NEGR1: variants seen among roughly 807,000 people sequenced by gnomAD.
NEGR1 encodes the protein neuronal growth regulator 1, also known as IgLON family member 4.
A neutral mutation model predicts 40.9 loss-of-function variants in NEGR1; 10 were observed. The ratio of observed to expected loss-of-function variants is 0.24; its 90% confidence interval spans 0.15 to 0.42. The LOEUF (loss-of-function observed/expected upper bound fraction) is 0.42, where lower values mean the gene tolerates loss of function less well. Ranked by LOEUF, NEGR1 falls within the 10% of genes least tolerant of loss-of-function variation. The pLI, the probability that NEGR1 is intolerant of heterozygous loss-of-function variation, is 1.00. For synonymous variants in NEGR1, 185 were observed against 166.8 expected, an observed-to-expected ratio of 1.11 and a Z score of -0.84; for missense variants, 352 against 438.9, an observed-to-expected ratio of 0.80 and a Z score of 1.77.
intron 1 of NEGR1, among the ~76,000 whole-genome samples, chr1:72,120,632 G>A (rs935036977): frequency 6.6e-6 from 1 of 151,812 alleles, no homozygotes; most frequent in Non-Finnish European, 1.5e-5. Flanking sequence ...CTAGCATTAG[G>A]TGTATCTCCC....
chr1:72,146,363 A>T lies in NEGR1; in HGVS notation c.176+135956T>A, dbSNP rs980103001. Among the ~76,000 whole-genome samples the T allele has an allele frequency of 2.6e-5, 4 of 152,084 alleles. No homozygotes were observed. In the South Asian group the frequency reaches 8.3e-4, roughly 31 times the overall value. On this transcript the variant is annotated intron_variant, in intron 1 of 6. Coordinates refer to ENST00000357731, the MANE Select transcript of NEGR1 (RefSeq NM_173808.3). Reference sequence around the variant, plus strand: ...CCCTGAACACATTATTTTTCACTCTATTAATGCCATGTCATACTTTTTTTA... The same window carrying T: ...CCCTGAACACATTATTTTTCACTCTTTTAATGCCATGTCATACTTTTTTTA...
intron 2 of NEGR1, among the ~76,000 whole-genome samples, chr1:71,787,095 G>A (rs1255072687): frequency 6.6e-6 from 1 of 152,202 alleles, no homozygotes; most frequent in Non-Finnish European, 1.5e-5. Flanking sequence ...TCATCCCAGT[G>A]AGGCCTCAAA....
Position 71,485,874 on chromosome 1 carries a change from A to G in NEGR1, c.941-78304T>C, listed in dbSNP as rs563431320. Reference sequence around the variant, plus strand: ...TCTTGGTTGCTTCCAAGTTTTTGCAATTATGAATAAAGCTACTATAAACAT... The same window carrying G: ...TCTTGGTTGCTTCCAAGTTTTTGCAGTTATGAATAAAGCTACTATAAACAT... On this transcript the variant is annotated intron_variant, in intron 6 of 6. Coordinates refer to ENST00000357731, the MANE Select transcript of NEGR1 (RefSeq NM_173808.3). Among the ~76,000 whole-genome samples the G allele has an allele frequency of 2.2e-4, 33 of 151,782 alleles. 1 individual carries two copies. The highest frequency in any genetic ancestry group is 7.2e-4 in the Admixed American group (11 of 15,194).
chr1:71,719,584 G>A (rs892908123), intron 3 of NEGR1, among the ~76,000 whole-genome samples: 1 of 151,330 alleles, frequency 6.6e-6, no homozygotes, highest in Non-Finnish European at 1.5e-5. Flanking sequence ...GTTTCCAGAC[G>A]TTTGAAATGT....
chr1:72,118,458 T>C (rs1045795210), intron 1 of NEGR1, among the ~76,000 whole-genome samples: 2 of 151,794 alleles, frequency 1.3e-5, no homozygotes, highest in Non-Finnish European at 2.9e-5. Flanking sequence ...CCATACTTTA[T>C]TCATTTGGGT....
At chr1:72,056,068 CAGTT>C (rs1283058227) in intron 1 of NEGR1, among the ~76,000 whole-genome samples, 4 of 151,020 alleles carry the variant, frequency 2.6e-5, no homozygotes. Context: ...ATTGGTAAAT[CAGTT>C]AGCTCTCTGA....
chr1:71,793,520 A>C (rs1657205853), intron 2 of NEGR1, among the ~76,000 whole-genome samples: 1 of 151,700 alleles, frequency 6.6e-6, no homozygotes, highest in Non-Finnish European at 1.5e-5. Flanking sequence ...TCAAGAGAAG[A>C]TTCAAGATAC....
At chr1:71,524,030 A>G (rs1387855078) in intron 6 of NEGR1, among the ~76,000 whole-genome samples, 1 of 151,778 alleles carries the variant, frequency 6.6e-6, no homozygotes, top group Non-Finnish European at 1.5e-5. Flanking sequence ...TGCTATTTCA[A>G]AATTAAGGCC....
chr1:71,727,480 A>G (rs554878595), intron 3 of NEGR1, among the ~76,000 whole-genome samples: 25 of 152,266 alleles, frequency 1.6e-4, no homozygotes, highest in Non-Finnish European at 4.4e-5. Context: ...TATGTCAATA[A>G]TCCATGGAGA....
intron 2 of NEGR1, among the ~76,000 whole-genome samples, chr1:71,797,131 A>C (rs1321983366): frequency 6.6e-6 from 1 of 152,180 alleles, no homozygotes; most frequent in Non-Finnish European, 1.5e-5. Flanking sequence ...CGAATACTTA[A>C]TATGTGTGAA....
At chr1:71,451,859 A>T (rs1210832429) in intron 6 of NEGR1, among the ~76,000 whole-genome samples, 3 of 152,220 alleles carry the variant, frequency 2.0e-5, no homozygotes, top group Non-Finnish European at 4.4e-5. Context: ...TCCTGAAAAC[A>T]ATGAATCCCA....
intron 1 of NEGR1, among the ~76,000 whole-genome samples, chr1:71,955,774 A>G (rs969023702): frequency 6.6e-6 from 1 of 152,154 alleles, no homozygotes; most frequent in Non-Finnish European, 1.5e-5. Context: ...ACCAGGAGAC[A>G]CATCTTTGTT....
intron 1 of NEGR1, among the ~76,000 whole-genome samples, chr1:72,014,611 C>A (rs908367683): frequency 3.3e-5 from 5 of 151,828 alleles, no homozygotes; most frequent in Non-Finnish European, 7.4e-5. Context: ...TGCACAAAAC[C>A]TTTAAAAATG....
intron 2 of NEGR1, among the ~76,000 whole-genome samples, chr1:71,808,233 G>T (rs999936109): frequency 2.0e-5 from 3 of 151,978 alleles, no homozygotes; most frequent in African/African-American, 7.2e-5. Context: ...CCAATCAAAA[G>T]AAATAAATGT....
chr1:71,872,292 C>T lies in NEGR1; in HGVS notation c.409+62787G>A, dbSNP rs547267786. Among the ~76,000 whole-genome samples the T allele has an allele frequency of 1.6e-4, 24 of 152,300 alleles. No homozygotes were observed. The South Asian group carries it at 5.0e-3, about 32-fold the overall frequency. ...GGTGGTTTTGACACATTTTGCTGAA[C>T]TAACTTCCAGTCTTTAGTTTTAGGT... On this transcript the variant is annotated intron_variant, in intron 2 of 6. Coordinates refer to ENST00000357731, the MANE Select transcript of NEGR1 (RefSeq NM_173808.3).
chr1:71,730,996 T>A (rs1462935756), intron 3 of NEGR1, among the ~76,000 whole-genome samples: 8 of 151,880 alleles, frequency 5.3e-5, no homozygotes, highest in Admixed American at 4.6e-4. Context: ...AGAAATTGTT[T>A]AATTTTGTCA....
At chr1:71,701,574 C>T (rs1653693333) in intron 3 of NEGR1, among the ~76,000 whole-genome samples, 1 of 151,994 alleles carries the variant, frequency 6.6e-6, no homozygotes, top group African/African-American at 2.4e-5. Context: ...GTAATTTCCT[C>T]ATCTCTAGCT....
chr1:71,578,020 G>A (rs1343098775), intron 6 of NEGR1, among the ~76,000 whole-genome samples: 1 of 151,844 alleles, frequency 6.6e-6, no homozygotes, highest in African/African-American at 2.4e-5. Flanking sequence ...TTCTCTAATT[G>A]AGCCTAGATA....
intron 2 of NEGR1, among the ~76,000 whole-genome samples, chr1:71,813,301 T>C (rs1658071255): frequency 6.6e-6 from 1 of 152,190 alleles, no homozygotes; most frequent in African/African-American, 2.4e-5. Flanking sequence ...GTGTCTGTTT[T>C]TGTGCCAGTA....
Sources: gnomAD v4.1 joint callset for allele counts (sites outside exome capture counted in the v4.1 genomes callset) on GRCh38, gnomAD v4.1.1 for gene constraint, MANE v1.5 for transcripts, NCBI Gene and HGNC (gene_info 2026-07-23, HGNC 2026-07-21) for gene names.